RBPJ: variants seen among roughly 807,000 people sequenced by gnomAD.
The protein encoded by RBPJ is recombining binding protein suppressor of hairless.
Under a neutral mutation model 67.8 loss-of-function variants are expected in RBPJ, and 9 were observed. The ratio of observed to expected loss-of-function variants is 0.13; its 90% CI spans 0.08 to 0.23. The LOEUF (loss-of-function observed/expected upper bound fraction) is 0.23, where lower values mean the gene tolerates loss of function less well. RBPJ is among the 10% of genes least tolerant of loss of function. The pLI is 1.00. For missense variants in RBPJ, 305 were observed against 595.6 expected (o/e 0.51, Z 5.08); for synonymous variants, 198 against 203.3 (o/e 0.97, Z 0.22).
intron 1 of RBPJ, among the ~76,000 whole-genome samples, chr4:26,186,452 T>C (rs1717263860): frequency 6.6e-6 from 1 of 151,936 alleles, no homozygotes; most frequent in Admixed American, 6.6e-5. Context: ...GAGAAAAGAG[T>C]CATGTTTAAT....
At chr4:26,289,410 A>T (rs71610890) in intron 1 of RBPJ, among the ~76,000 whole-genome samples, 3,524 of 148,976 alleles carry the variant, frequency 0.024, 168 homozygotes, top group Non-Finnish European at 0.034. Context: ...AAAAAAAAGA[A>T]AAAGAAAAAG....
At chr4:26,131,092 C>T in the RBPJ span, among the ~76,000 whole-genome samples, 2 of 152,246 alleles carry the variant, frequency 1.3e-5, no homozygotes, top group Non-Finnish European at 1.5e-5. Context: ...ATTTGTGCAA[C>T]ATGCCAACTG....
chr4:26,187,761 C>T (rs141688248), intron 1 of RBPJ, among the ~76,000 whole-genome samples: 2,556 of 152,182 alleles, frequency 0.017, 72 homozygotes, highest in African/African-American at 0.058. Context: ...GTGGCTCACA[C>T]CTATAATCCC....
At chr4:26,166,564 TG>T (rs1716311659) in intron 1 of RBPJ, among the ~76,000 whole-genome samples, 1 of 151,684 alleles carries the variant, frequency 6.6e-6, no homozygotes, top group African/African-American at 2.4e-5. Flanking sequence ...TTGATGGGGT[TG>T]TTTGTTTTTT....
chr4:26,215,032 A>G lies in RBPJ; in HGVS notation c.-167+51418A>G, dbSNP rs1393821322. ...GGAAGGAGAGAAAGAAAGAAAGAAA[A>G]GAAAGAGGGAGGGAGGGAAGAGAGA... On this transcript the variant is annotated intron_variant, in intron 1 of 4. Transcript: ENST00000512351. 1.4e-4 allele frequency among the ~76,000 whole-genome samples: 9 copies of G among 62,564 alleles called. 3 individuals carry two copies. The highest frequency in any genetic ancestry group is 2.3e-4 in the African/African-American group (4 of 17,522). 41.0% of individuals were successfully genotyped at this position (62,564 alleles called of 152,430 possible).
intron 1 of RBPJ, among the ~76,000 whole-genome samples, chr4:26,195,788 G>A (rs572692835): frequency 1.1e-4 from 17 of 152,186 alleles, no homozygotes; most frequent in Admixed American, 1.1e-3. Context: ...TAGAGACGAG[G>A]TTTCACCATG....
intron 1 of RBPJ, among the ~76,000 whole-genome samples, chr4:26,366,735 TTAA>T (rs1438938750): frequency 6.6e-6 from 1 of 152,078 alleles, no homozygotes; most frequent in Non-Finnish European, 1.5e-5. Flanking sequence ...TGGTAAATAT[TTAA>T]AGGTTCATAC....
intron 1 of RBPJ, among the ~76,000 whole-genome samples, chr4:26,378,419 G>C (rs1395088496): frequency 4.6e-5 from 7 of 152,216 alleles, no homozygotes; most frequent in Middle Eastern, 3.4e-3. Context: ...GAAGTTAATG[G>C]AGACCCGTAT....
At chr4:26,407,172 T>C (rs888551349) in intron 3 of RBPJ, among the ~76,000 whole-genome samples, 2 of 152,244 alleles carry the variant, frequency 1.3e-5, no homozygotes, top group African/African-American at 4.8e-5. Flanking sequence ...ATGTAGTTTT[T>C]TACGCAAATG....
At chr4:26,331,202 A>T (rs1724214415) in intron 1 of RBPJ, among the ~76,000 whole-genome samples, 1 of 152,100 alleles carries the variant, frequency 6.6e-6, no homozygotes, top group South Asian at 2.1e-4. Flanking sequence ...CCGAGCTCGT[A>T]ATCATCCCAC....
At chr4:26,182,361 C>G (rs1380557828) in intron 1 of RBPJ, among the ~76,000 whole-genome samples, 1 of 152,080 alleles carries the variant, frequency 6.6e-6, no homozygotes, top group Non-Finnish European at 1.5e-5. Flanking sequence ...AACAAACAAA[C>G]AAACAAAATT....
chr4:26,308,136 C>G (rs1478858387), intron 1 of RBPJ, among the ~76,000 whole-genome samples: 1 of 152,080 alleles, frequency 6.6e-6, no homozygotes, highest in Non-Finnish European at 1.5e-5. Flanking sequence ...ATTAGCCGGG[C>G]GTGGTGGCGG....
At chr4:26,112,187 A>C in the RBPJ span, 1 of 152,774 alleles carries the variant, frequency 6.5e-6, no homozygotes, top group East Asian at 1.9e-4. Flanking sequence ...CCAAAAACAA[A>C]ACAGTAAGCA....
the RBPJ span, among the ~76,000 whole-genome samples, chr4:26,139,922 C>G: frequency 6.6e-6 from 1 of 152,186 alleles, no homozygotes; most frequent in Non-Finnish European, 1.5e-5. Flanking sequence ...CCACCTGGAG[C>G]CTCTGTTCTC....
At chr4:26,402,167 CG>C (rs1440126734) in intron 2 of RBPJ, among the ~76,000 whole-genome samples, 1 of 152,126 alleles carries the variant, frequency 6.6e-6, no homozygotes, top group Non-Finnish European at 1.5e-5. Context: ...GGATTACAGC[CG>C]TGTGCCACTG....
upstream of RBPJ, chr4:26,320,792 G>A: frequency 1.3e-6 from 2 of 1,555,776 alleles, no homozygotes; most frequent in Admixed American, 2.0e-5. Context: ...CGGAGGAGCC[G>A]CCTGCGCATG....
chr4:26,339,479 C>A, intron 1 of RBPJ, among the ~76,000 whole-genome samples: 1 of 151,348 alleles, frequency 6.6e-6, no homozygotes, highest in East Asian at 2.0e-4. Flanking sequence ...ACTAAAAATA[C>A]AAAAATTAGC....
intron 1 of RBPJ, among the ~76,000 whole-genome samples, chr4:26,345,247 T>C (rs886346477): frequency 6.6e-6 from 1 of 152,204 alleles, no homozygotes; most frequent in Non-Finnish European, 1.5e-5. Context: ...CAAAAAATAT[T>C]AGGGGGCTAG....
the RBPJ span, among the ~76,000 whole-genome samples, chr4:26,143,610 C>T: frequency 5.1e-3 from 773 of 152,314 alleles, 2 homozygotes; most frequent in Non-Finnish European, 7.9e-3. Context: ...TGGTTTGTTA[C>T]ACAGCAATAA....
Sources: gnomAD v4.1 joint callset for allele counts (sites outside exome capture counted in the v4.1 genomes callset) on GRCh38, gnomAD v4.1.1 for gene constraint, MANE v1.5 for transcripts, NCBI Gene and HGNC (gene_info 2026-07-23, HGNC 2026-07-21) for gene names.